The following CSNK1G3 variants were observed in gnomAD, a reference collection of about 807,000 sequenced individuals.
The protein encoded by CSNK1G3 is casein kinase 1 gamma 3, also known as casein kinase I isoform gamma-3.
A neutral mutation model predicts 64.3 loss-of-function variants in CSNK1G3; 23 were observed. The observed-to-expected ratio is 0.36, with a 90% CI of 0.26 to 0.51. The LOEUF is 0.51. CSNK1G3 is among the 20% of genes least tolerant of loss of function. The pLI, the probability that CSNK1G3 is intolerant of heterozygous loss-of-function variation, is 0.96. For missense variants in CSNK1G3, 357 were observed against 510.5 expected (o/e 0.70, Z 2.90); for synonymous variants, 158 against 162.2 (o/e 0.97, Z 0.20).
At chr5:123,553,039 T>G in intron 2 of CSNK1G3, 68 bp from the exon 3 acceptor site, 1 of 850,860 alleles carries the variant, frequency 1.2e-6, no homozygotes. Flanking sequence ...TTTTTCAGAG[T>G]ACAGTTTTAT....
At chr5:123,586,362 A>G (rs1000322808) in intron 6 of CSNK1G3, among the ~76,000 whole-genome samples, 5 of 152,166 alleles carry the variant, frequency 3.3e-5, no homozygotes, top group African/African-American at 1.2e-4. Flanking sequence ...GTTAAAACTT[A>G]CCAAACTATA....
chr5:123,605,144 G>T (rs928092909), intron 11 of CSNK1G3, among the ~76,000 whole-genome samples, 195 bp from the exon 13 acceptor site: 2 of 151,752 alleles, frequency 1.3e-5, no homozygotes, highest in African/African-American at 2.4e-5. Flanking sequence ...TCTTTTTTCT[G>T]TAAGCATAAG....
rs1160065797 is a variant in CSNK1G3 at position 123,512,574 on chromosome 5, A to G, written c.-248+4A>G. The G allele has an allele frequency of 6.6e-6, 1 of 150,846 alleles. No homozygotes were observed. The highest frequency in any genetic ancestry group is 1.5e-5 in the Non-Finnish European group (1 of 67,616). The allele number at this position is 150,846 out of a possible 1,614,324, so 9.3% of individuals were successfully genotyped here. ...TGCTCGCGGCCGCGCCTTTGAGGTA[A>G]AGCCCCCTGCGCGTAGGTGCTCCGC... On this transcript the variant is annotated splice_donor_region_variant and intron_variant, in intron 1 of 12. Transcript: ENST00000345990.
At chr5:123,538,490 A>G (rs1442536120) in intron 1 of CSNK1G3, among the ~76,000 whole-genome samples, 2 of 152,120 alleles carry the variant, frequency 1.3e-5, no homozygotes, top group Admixed American at 6.6e-5. Flanking sequence ...AAAAGAGTCT[A>G]TTCAGATCGT....
At chr5:123,616,464 A>G (rs1481020253) in exon 13 of CSNK1G3, 3 of 152,608 alleles carry the variant, frequency 2.0e-5, no homozygotes, top group Admixed American at 2.0e-4. Context: ...TGGACTTAAA[A>G]TATTTTAAAA....
intron 4 of CSNK1G3, among the ~76,000 whole-genome samples, chr5:123,559,254 GAA>G (rs11337996): frequency 2.7e-5 from 4 of 149,942 alleles, no homozygotes; most frequent in East Asian, 2.0e-4. Context: ...CCACGGTGAT[GAA>G]AAAAAAAACC....
At chr5:123,544,392 G>T (rs1782192844) in intron 1 of CSNK1G3, among the ~76,000 whole-genome samples, 1 of 152,068 alleles carries the variant, frequency 6.6e-6, no homozygotes, top group African/African-American at 2.4e-5. Flanking sequence ...TTGTATATTT[G>T]GGGGTTGCTG....
intron 10 of CSNK1G3, among the ~76,000 whole-genome samples, chr5:123,601,456 C>T (rs993905514): frequency 2.0e-5 from 3 of 152,104 alleles, no homozygotes; most frequent in African/African-American, 7.2e-5. Context: ...ATTGGGGAAT[C>T]TGGGAAACCC....
chr5:123,575,623 T>C, intron 5 of CSNK1G3, 106 bp from the exon 6 acceptor site: 1 of 675,960 alleles, frequency 1.5e-6, no homozygotes, highest in Non-Finnish European at 2.6e-6. Context: ...AAACAATTTC[T>C]GATTTATTTC....
chr5:123,526,231 A>T (rs930002317), intron 1 of CSNK1G3, among the ~76,000 whole-genome samples: 1 of 151,474 alleles, frequency 6.6e-6, no homozygotes, highest in African/African-American at 2.4e-5. Context: ...TATTATTATT[A>T]TTTTTTTGTA....
intron 12 of CSNK1G3, among the ~76,000 whole-genome samples, chr5:123,612,991 G>A (rs1208316530): frequency 1.3e-5 from 2 of 151,998 alleles, no homozygotes; most frequent in Admixed American, 6.6e-5. Flanking sequence ...GCTTGCCTGC[G>A]CCAAAAGTAA....
chr5:123,591,531 A>G (rs1032350158), intron 10 of CSNK1G3, 117 bp downstream of exon 10: 19 of 562,928 alleles, frequency 3.4e-5, no homozygotes, highest in Non-Finnish European at 4.3e-5. Context: ...TAGATAATCT[A>G]TTTTCTCTTA....
chr5:123,579,320 T>C (rs1789804203), intron 6 of CSNK1G3, among the ~76,000 whole-genome samples: 1 of 151,662 alleles, frequency 6.6e-6, no homozygotes, highest in African/African-American at 2.4e-5. Context: ...GAAAAGTAAG[T>C]TTCAAATATT....
chr5:123,588,579 G>T, intron 8 of CSNK1G3, 68 bp downstream of exon 8: 1 of 965,348 alleles, frequency 1.0e-6, no homozygotes. Flanking sequence ...TATTGCTTAA[G>T]TTTATACATA....
At chr5:123,531,479 A>G (rs1779932344) in intron 1 of CSNK1G3, among the ~76,000 whole-genome samples, 2 of 151,962 alleles carry the variant, frequency 1.3e-5, no homozygotes, top group Admixed American at 1.3e-4. Flanking sequence ...AGTGGCTGAC[A>G]TTTCTATTCA....
At chr5:123,594,406 CAG>C (rs1361563435) in intron 10 of CSNK1G3, among the ~76,000 whole-genome samples, 4 of 152,052 alleles carry the variant, frequency 2.6e-5, no homozygotes, top group Non-Finnish European at 5.9e-5. Flanking sequence ...ATCAAGGAAG[CAG>C]AGAGATTCAT....
At chr5:123,556,734 G>T (rs138345996) in intron 3 of CSNK1G3, among the ~76,000 whole-genome samples, 1 of 150,490 alleles carries the variant, frequency 6.6e-6, no homozygotes, top group South Asian at 2.1e-4. Context: ...TATTTCTAAC[G>T]TCTAAAACCC....
chr5:123,567,591 G>A (rs1031966647), intron 4 of CSNK1G3, among the ~76,000 whole-genome samples: 4 of 152,138 alleles, frequency 2.6e-5, no homozygotes, highest in African/African-American at 7.2e-5. Context: ...GGGCAATAGA[G>A]TGAGACTCCA....
chr5:123,539,443 A>AT (rs946165531), intron 1 of CSNK1G3, among the ~76,000 whole-genome samples: 1 of 149,460 alleles, frequency 6.7e-6, no homozygotes, highest in African/African-American at 2.5e-5. Context: ...AGATTAAAAA[A>AT]AAAAAAAAAA....
Sources: gnomAD v4.1 joint callset for allele counts (sites outside exome capture counted in the v4.1 genomes callset) on GRCh38, gnomAD v4.1.1 for gene constraint, MANE v1.5 for transcripts, NCBI Gene and HGNC (gene_info 2026-07-23, HGNC 2026-07-21) for gene names.